The following LPP variants were observed in gnomAD, a reference collection of about 807,000 sequenced individuals.
LPP encodes the protein LIM domain containing preferred translocation partner in lipoma.
In LPP, 38 loss-of-function variants were observed where a neutral mutation model predicts 60.4. The observed-to-expected ratio is 0.63, with a 90% confidence interval of 0.49 to 0.83. The LOEUF is 0.83. Among genes scored for constraint, LPP ranks in the 40% least tolerant of loss-of-function variants. The pLI, the probability that LPP is intolerant of heterozygous loss-of-function variation, is 0.00. For missense variants in LPP, 902 were observed against 783.6 expected (o/e 1.15, Z -1.80); for synonymous variants, 328 against 290.8 (o/e 1.13, Z -1.30).
intron 4 of LPP, among the ~76,000 whole-genome samples, chr3:188,441,171 C>T (rs1793731891): frequency 6.6e-6 from 1 of 152,138 alleles, no homozygotes; most frequent in African/African-American, 2.4e-5. Flanking sequence ...GTGGTTGACA[C>T]TGCAGAGATG....
intron 1 of LPP, among the ~76,000 whole-genome samples, chr3:188,156,510 A>G (rs920045293): frequency 1.2e-4 from 18 of 152,166 alleles, no homozygotes; most frequent in African/African-American, 4.1e-4. Flanking sequence ...CTGCTGCCCA[A>G]TTCCAATGAG....
intron 8 of LPP, among the ~76,000 whole-genome samples, chr3:188,728,598 C>G (rs986256615): frequency 6.6e-6 from 1 of 152,180 alleles, no homozygotes; most frequent in African/African-American, 2.4e-5. Context: ...ATGGAATACA[C>G]ATTTTCATAG....
At chr3:188,673,890 TTG>T (rs1216149488) in intron 7 of LPP, among the ~76,000 whole-genome samples, 4 of 29,096 alleles carry the variant, frequency 1.4e-4, no homozygotes, top group African/African-American at 2.3e-4. Context: ...TTTTTCTTTT[TTG>T]TTTTTTTTTT....
intron 7 of LPP, among the ~76,000 whole-genome samples, chr3:188,645,028 T>C (rs1850846141): frequency 6.6e-6 from 1 of 152,202 alleles, no homozygotes; most frequent in Non-Finnish European, 1.5e-5. Flanking sequence ...CATCTACATA[T>C]AGAATTATAG....
At chr3:188,431,464 A>C (rs991173491) in intron 4 of LPP, among the ~76,000 whole-genome samples, 2 of 152,194 alleles carry the variant, frequency 1.3e-5, no homozygotes, top group African/African-American at 4.8e-5. Flanking sequence ...TTTTTAGCGA[A>C]GACCTCGCAT....
At chr3:188,611,484 T>A (rs1843707154) in intron 7 of LPP, among the ~76,000 whole-genome samples, 1 of 152,236 alleles carries the variant, frequency 6.6e-6, no homozygotes, top group Admixed American at 6.5e-5. Context: ...ATTATTCAAC[T>A]TAACCACAGT....
At chr3:188,266,684 G>GTCC (rs2149742895) in intron 2 of LPP, among the ~76,000 whole-genome samples, 1 of 152,294 alleles carries the variant, frequency 6.6e-6, no homozygotes, top group African/African-American at 2.4e-5. Flanking sequence ...GGAGCCATGA[G>GTCC]TCCTTTTTTA....
intron 1 of LPP, among the ~76,000 whole-genome samples, chr3:188,218,125 G>A (rs116573140): frequency 2.0e-5 from 3 of 152,238 alleles, no homozygotes; most frequent in Non-Finnish European, 1.5e-5. Flanking sequence ...GGAAGGCTCA[G>A]TGGGAGCCCA....
chr3:188,412,964 A>G (rs757357540), intron 4 of LPP, among the ~76,000 whole-genome samples: 4 of 152,228 alleles, frequency 2.6e-5, no homozygotes, highest in African/African-American at 9.6e-5. Flanking sequence ...GGTTTCCTAA[A>G]TGCACTCATT....
intron 7 of LPP, among the ~76,000 whole-genome samples, chr3:188,647,166 G>C (rs1851250161): frequency 1.3e-5 from 2 of 152,186 alleles, no homozygotes; most frequent in Non-Finnish European, 2.9e-5. Context: ...TGCAGAAGAG[G>C]GTGGAGGTGA....
intron 6 of LPP, among the ~76,000 whole-genome samples, chr3:188,593,153 G>GGTGTGTGTGTGTGT (rs10678737): frequency 6.7e-6 from 1 of 148,396 alleles, no homozygotes; most frequent in African/African-American, 2.5e-5. Flanking sequence ...TCTGATGCCT[G>GGTGTGTGTGTGTGT]GTGTGTGTGT....
At chr3:188,374,551 A>T (rs1423459321) in intron 3 of LPP, among the ~76,000 whole-genome samples, 1 of 152,146 alleles carries the variant, frequency 6.6e-6, no homozygotes, top group African/African-American at 2.4e-5. Context: ...TTTTTGTACA[A>T]TGATTTTGTA....
intron 1 of LPP, among the ~76,000 whole-genome samples, chr3:188,207,147 CTGAGT>C (rs1733461469): frequency 6.6e-6 from 1 of 151,326 alleles, no homozygotes; most frequent in South Asian, 2.1e-4. Flanking sequence ...ATCTACCTTT[CTGAGT>C]TAACTTCTGT....
At chr3:188,799,070 C>A (rs1193925442) in intron 9 of LPP, among the ~76,000 whole-genome samples, 1 of 152,196 alleles carries the variant, frequency 6.6e-6, no homozygotes, top group Non-Finnish European at 1.5e-5. Context: ...TAAAAATAAT[C>A]CAGAATTAGT....
chr3:188,883,972 A>G lies in LPP; in HGVS notation c.*9493A>G, dbSNP rs1770367500. The G allele has an allele frequency of 2.3e-5, 5 of 217,674 alleles. No individual in the cohort carries two copies. The Admixed American group carries it at 2.9e-4, about 13-fold the overall frequency. The allele number at this position is 217,674 out of a possible 1,614,324, so 13.5% of individuals were successfully genotyped here. On this transcript the variant is annotated 3_prime_UTR_variant, in exon 12 of 12. Transcript: ENST00000617246. The stretch of plus-strand genomic sequence containing the variant: ...GATGACTATTTAGTTTAAATAATAT[A>G]CCTTTGTCATGGGGAAGACCATGAT...
At chr3:188,652,363 T>C (rs1852263652) in intron 7 of LPP, among the ~76,000 whole-genome samples, 3 of 152,284 alleles carry the variant, frequency 2.0e-5, no homozygotes, top group Admixed American at 2.0e-4. Flanking sequence ...CTGTCCTCTT[T>C]TCCTTTCCTT....
chr3:188,176,513 T>C (rs1029073991), intron 1 of LPP, among the ~76,000 whole-genome samples: 3 of 152,068 alleles, frequency 2.0e-5, no homozygotes, highest in African/African-American at 7.2e-5. Context: ...TACTGCAGAA[T>C]GATAACTGGA....
At chr3:188,350,117 A>T (rs1578251724) in intron 3 of LPP, among the ~76,000 whole-genome samples, 1 of 152,260 alleles carries the variant, frequency 6.6e-6, no homozygotes, top group Non-Finnish European at 1.5e-5. Context: ...GTGTCCACGA[A>T]CTGTGGCTCT....
chr3:188,692,286 AGACATCACT>A (rs770479057), intron 7 of LPP, among the ~76,000 whole-genome samples: 14 of 152,244 alleles, frequency 9.2e-5, no homozygotes, highest in Non-Finnish European at 1.5e-4. Context: ...CTCACCTTCG[AGACATCACT>A]GACATCTTCA....
Sources: allele counts gnomAD v4.1 joint callset (sites outside exome capture counted in the v4.1 genomes callset), GRCh38; gene constraint gnomAD v4.1.1; transcripts MANE v1.5; gene names NCBI Gene and HGNC (gene_info 2026-07-23, HGNC 2026-07-21).